RALGAPA2: variants seen among roughly 807,000 people sequenced by gnomAD.
The protein encoded by RALGAPA2 is Ral GTPase activating protein catalytic subunit alpha 2, also known as ral GTPase-activating protein subunit alpha-2.
RALGAPA2 carries 139 observed loss-of-function variants against 230.4 expected under a neutral mutation model. The ratio of observed to expected loss-of-function variants is 0.60; its 90% CI spans 0.53 to 0.69. The LOEUF (loss-of-function observed/expected upper bound fraction) is 0.69, where lower values mean the gene tolerates loss of function less well. RALGAPA2 is among the 30% of genes least tolerant of loss of function. The probability of loss-of-function intolerance (pLI) is 0.00; values close to 1 mark genes in which losing one functional copy is unlikely to be tolerated. For missense variants in RALGAPA2, 2,163 were observed against 2,276.0 expected, an observed-to-expected ratio of 0.95 and a Z score of 1.01; for synonymous variants, 847 against 837.8, an observed-to-expected ratio of 1.01 and a Z score of -0.19.
chr20:20,635,250 A>C, intron 9 of RALGAPA2, 168 bp downstream of exon 9: 1 of 697,374 alleles, frequency 1.4e-6, no homozygotes, highest in South Asian at 1.7e-5. Context: ...CAAACTCACA[A>C]CTCCCTCTGA....
chr20:20,638,725 T>C (rs900767626), intron 7 of RALGAPA2, among the ~76,000 whole-genome samples: 1 of 152,012 alleles, frequency 6.6e-6, no homozygotes, highest in East Asian at 1.9e-4. Context: ...GCCATTAGAG[T>C]TCAAATGTGG....
intron 13 of RALGAPA2, among the ~76,000 whole-genome samples, chr20:20,615,660 A>T (rs906021629): frequency 3.3e-5 from 5 of 152,212 alleles, no homozygotes; most frequent in African/African-American, 1.2e-4. Context: ...TCCAAAATGA[A>T]TTTAAAACGT....
In RALGAPA2 at chr20:20,437,834, G is replaced by A. The variant is rs2060648030; in HGVS notation, c.5496-25686C>T. Among the ~76,000 whole-genome samples, 1 of 152,164 alleles carries A rather than the reference G, an allele frequency of 6.6e-6. No homozygotes were observed. The highest frequency in any genetic ancestry group is 2.4e-5 in the African/African-American group (1 of 41,442). ...GCTGTCAGCCTCTTCCACTGGAATG[G>A]AAGTTCCATGCGGGCAGGAACTGTG... On this transcript the variant is annotated intron_variant, in intron 37 of 39. Coordinates refer to ENST00000202677, the MANE Select transcript of RALGAPA2 (RefSeq NM_020343.4). The surrounding 1 kb of genome is among the most constrained non-coding windows in gnomAD (Gnocchi z 4.1).
intron 37 of RALGAPA2, among the ~76,000 whole-genome samples, chr20:20,434,713 A>G (rs924217047): frequency 6.6e-6 from 1 of 152,144 alleles, no homozygotes; most frequent in Non-Finnish European, 1.5e-5. Flanking sequence ...ATGCAGGAGT[A>G]TATTTTGAAC....
intron 4 of RALGAPA2, among the ~76,000 whole-genome samples, chr20:20,650,166 AAT>A (rs1169985961): frequency 2.0e-5 from 3 of 152,176 alleles, no homozygotes; most frequent in African/African-American, 7.2e-5. Flanking sequence ...TACGAGTTCA[AAT>A]ATGTTTCCTC....
intron 39 of RALGAPA2, among the ~76,000 whole-genome samples, chr20:20,393,953 G>A (rs868416408): frequency 6.6e-6 from 1 of 152,128 alleles, no homozygotes; most frequent in Admixed American, 6.5e-5. Context: ...TTCTGCGAGC[G>A]AGAGGATCAT....
chr20:20,519,808 G>C (rs983433392), intron 31 of RALGAPA2, among the ~76,000 whole-genome samples: 1 of 152,080 alleles, frequency 6.6e-6, no homozygotes, highest in Non-Finnish European at 1.5e-5. Context: ...CTTGGGCCTA[G>C]GTTTTTAACT....
chr20:20,523,886 A>C (rs6035641), intron 30 of RALGAPA2, among the ~76,000 whole-genome samples: 4,153 of 152,262 alleles, frequency 0.027, 216 homozygotes, highest in African/African-American at 0.096. Flanking sequence ...TAGTCATGTA[A>C]AATGCATGCA....
At chr20:20,474,048 G>A (rs1212507230) in intron 36 of RALGAPA2, among the ~76,000 whole-genome samples, 1 of 152,182 alleles carries the variant, frequency 6.6e-6, no homozygotes, top group African/African-American at 2.4e-5. Context: ...GGCAGGAAAA[G>A]TGCTAAGGTA....
At chr20:20,459,833 C>G (rs1961174348) in intron 37 of RALGAPA2, among the ~76,000 whole-genome samples, 1 of 152,188 alleles carries the variant, frequency 6.6e-6, no homozygotes, top group Admixed American at 6.5e-5. Context: ...GAAGCAGCAG[C>G]TAGAAATAAT....
intron 37 of RALGAPA2, among the ~76,000 whole-genome samples, chr20:20,438,440 G>A (rs181915330): frequency 6.6e-6 from 1 of 152,344 alleles, no homozygotes; most frequent in Admixed American, 6.5e-5. Context: ...ATTCTGAGAA[G>A]TGCAAGACAT....
At chr20:20,684,549 T>A (rs866054204) in intron 1 of RALGAPA2, among the ~76,000 whole-genome samples, 1 of 152,164 alleles carries the variant, frequency 6.6e-6, no homozygotes, top group Non-Finnish European at 1.5e-5. Context: ...GGTGTTGAGC[T>A]TAAGTACTCA....
intron 10 of RALGAPA2, among the ~76,000 whole-genome samples, chr20:20,628,192 T>C (rs1421927840): frequency 1.3e-5 from 2 of 152,222 alleles, no homozygotes; most frequent in African/African-American, 4.8e-5. Context: ...TTGTTTTTGG[T>C]TGATTTTTTG....
intron 1 of RALGAPA2, among the ~76,000 whole-genome samples, chr20:20,701,562 C>T (rs2069364006): frequency 1.3e-5 from 2 of 151,946 alleles, no homozygotes; most frequent in Admixed American, 1.3e-4. Flanking sequence ...CATGGTGAAA[C>T]CCCATCTCTA....
intron 39 of RALGAPA2, among the ~76,000 whole-genome samples, chr20:20,395,381 C>T (rs1047540025): frequency 1.3e-5 from 2 of 152,236 alleles, no homozygotes; most frequent in Non-Finnish European, 2.9e-5. Flanking sequence ...CACGTCCACT[C>T]GCAGCTTTGC....
Position 20,589,268 on chromosome 20 carries a change from T to C in RALGAPA2, c.2439A>G (p.Thr813=). The change falls in exon 18 of 40, where the codon ACA becomes ACG. Residue 813 remains threonine (T), a splice_region_variant and synonymous_variant. Coordinates refer to ENST00000202677, the MANE Select transcript of RALGAPA2 (RefSeq NM_020343.4). ...CTGAAATGGCTTGAAAATATCTTAC[T>C]GTTATTCCTTCATGTTCTCTCTTCA... ...GHVKREHEGI[T]ILVRRSSSPA... 1.3e-6 allele frequency: 2 copies of C among 1,562,710 alleles called. No individual in the cohort carries two copies. Among genetic ancestry groups the C allele is most frequent in the Non-Finnish European group, 8.7e-7 (1 of 1,152,198 alleles).
At position 20,511,159 on chromosome 20, in the gene RALGAPA2, T is replaced by C. The variant is rs146215031; in HGVS notation, c.4928+95A>G. On this transcript the variant is annotated intron_variant, in intron 33 of 39. Coordinates refer to ENST00000202677, the MANE Select transcript of RALGAPA2 (RefSeq NM_020343.4). The stretch of plus-strand genomic sequence containing the variant: ...TAGGTTACAGAACTACCCTTGGATG[T>C]CTCAGTAAGTCTATTCATTCCTGCT... 1,248 of 1,510,224 alleles carry C rather than the reference T, an allele frequency of 8.3e-4. 14 individuals are homozygous for C. The East Asian group carries it at 0.029, about 35-fold the overall frequency. The allele number at this position is 1,510,224 out of a possible 1,614,324, so 93.6% of individuals were successfully genotyped here.
intron 37 of RALGAPA2, among the ~76,000 whole-genome samples, chr20:20,422,486 G>A (rs1211767692): frequency 2.0e-5 from 3 of 152,152 alleles, no homozygotes; most frequent in South Asian, 2.1e-4. Context: ...TGAGAGGATC[G>A]CTTGAGCCTG....
intron 15 of RALGAPA2, among the ~76,000 whole-genome samples, chr20:20,602,613 G>T (rs1005144462): frequency 1.3e-5 from 2 of 152,174 alleles, no homozygotes; most frequent in African/African-American, 2.4e-5. Context: ...CCCTTAGAAG[G>T]CAAGTGTTTC....
Sources: gnomAD v4.1 joint callset for allele counts (sites outside exome capture counted in the v4.1 genomes callset) on GRCh38, gnomAD v4.1.1 for gene constraint, Gnocchi (gnomAD v3.1) non-coding constraint, MANE v1.5 for transcripts, NCBI Gene and HGNC (gene_info 2026-07-23, HGNC 2026-07-21) for gene names.